The following ANKLE2 variants were observed in gnomAD, a reference collection of about 807,000 sequenced individuals.
The protein encoded by ANKLE2 is ankyrin repeat and LEM domain containing 2.
A neutral mutation model predicts 84.2 loss-of-function variants in ANKLE2; 55 were observed. The observed-to-expected ratio is 0.65, with a 90% CI of 0.53 to 0.82. The LOEUF (loss-of-function observed/expected upper bound fraction) is 0.82. Among genes scored for constraint, ANKLE2 ranks in the 40% least tolerant of loss-of-function variants. The pLI is 0.00. For synonymous variants in ANKLE2, 551 were observed against 486.1 expected, an observed-to-expected ratio of 1.13 and a Z score of -1.76; for missense variants, 1,238 against 1,201.9, an observed-to-expected ratio of 1.03 and a Z score of -0.44.
chr12:132,733,443 T>G (rs1441083541), intron 10 of ANKLE2, among the ~76,000 whole-genome samples: 1 of 145,630 alleles, frequency 6.9e-6, no homozygotes, highest in African/African-American at 2.6e-5. Flanking sequence ...TGAAGCTCTC[T>G]GCGTGCTGGT....
At chr12:132,747,081 C>T (rs1469798925) in intron 5 of ANKLE2, among the ~76,000 whole-genome samples, 1 of 152,246 alleles carries the variant, frequency 6.6e-6, no homozygotes, top group Non-Finnish European at 1.5e-5. Flanking sequence ...CGCCTGCTGG[C>T]TGCACTTCAG....
rs376900431 is a variant in ANKLE2 at position 132,729,665 on chromosome 12, C to A, written c.2483+14G>T. The stretch of plus-strand genomic sequence containing the variant: ...GGGGAAGGAAAGTGAGTGCAGAGGG[C>A]AACACACTCCTACCCAAAAAGGAAG... On this transcript the variant is annotated intron_variant, in intron 11 of 12. Transcript: ENST00000357997. 7.7e-6 allele frequency: 12 copies of A among 1,557,586 alleles called. No homozygotes were observed. Among genetic ancestry groups the A allele is most frequent in the African/African-American group, 1.5e-5 (1 of 67,482 alleles).
At chr12:132,730,553 A>C (rs2043820962) in intron 10 of ANKLE2, 6 of 411,198 alleles carry the variant, frequency 1.5e-5, no homozygotes, top group Admixed American at 7.7e-5. Flanking sequence ...CCAGGCACAG[A>C]AGCTCACGCC....
intron 2 of ANKLE2, among the ~76,000 whole-genome samples, chr12:132,753,763 CAAAAA>C (rs545094318): frequency 6.7e-6 from 1 of 149,832 alleles, no homozygotes; most frequent in African/African-American, 2.4e-5. Flanking sequence ...CAAAACAAAA[CAAAAA>C]AAAACCATAA....
Position 132,735,434 on chromosome 12 carries a change from G to T in ANKLE2, c.1672C>A (p.Pro558Thr). 1 of 1,614,080 alleles carries T rather than the reference G, an allele frequency of 6.2e-7. No homozygotes were observed. The highest frequency in any genetic ancestry group is 1.1e-5 in the South Asian group (1 of 91,074). Residue 558 changes from proline to threonine, a missense_variant, in exon 9 of 13, where the codon CCG becomes ACG. Physicochemically the swap from Pro to Thr is conservative, Grantham distance 38 (BLOSUM62 -1). Transcript: ENST00000357997. ...GFLHHVKKSD[P>T]ERGFERVGRE... ...CCCACTCTCTCAAAGCCTCTTTCCG[G>T]GTCCGACTTCTTGACGTGGTGAAGG... is the stretch of plus-strand genomic sequence containing the variant.
chr12:132,747,707 G>T (rs2044268227), intron 5 of ANKLE2, 125 bp downstream of exon 5: 1 of 1,222,168 alleles, frequency 8.2e-7, no homozygotes, highest in Admixed American at 3.1e-5. Flanking sequence ...TTGCAGGGGT[G>T]TAATTGATGT....
chr12:132,757,491 TGGG>T (rs1484074216), intron 1 of ANKLE2: 1 of 152,218 alleles, frequency 6.6e-6, no homozygotes, highest in African/African-American at 2.4e-5. Context: ...AAGACCAGCC[TGGG>T]TAACACAGCG....
chr12:132,755,251 CT>C (rs1208196829), intron 1 of ANKLE2, 118 bp from the exon 2 acceptor site: 3 of 1,066,412 alleles, frequency 2.8e-6, no homozygotes, highest in African/African-American at 3.2e-5. Flanking sequence ...TCATTAAAAA[CT>C]TTTTTTCTTG....
At chr12:132,750,518 A>G in intron 3 of ANKLE2, 125 bp downstream of exon 3, 3 of 974,062 alleles carry the variant, frequency 3.1e-6, no homozygotes, top group Non-Finnish European at 4.6e-6. Context: ...CTCCTGGTCC[A>G]CTGAGACCCC....
chr12:132,750,866 A>G lies in ANKLE2; in HGVS notation c.641-17T>C. Reference sequence around the variant, plus strand: ...AGATCCTTTCTGGGTAAGAAAAGTAACAAATGAAAATCAGAGAAGAGTGAC... The same window carrying G: ...AGATCCTTTCTGGGTAAGAAAAGTAGCAAATGAAAATCAGAGAAGAGTGAC... On this transcript the variant is annotated splice_polypyrimidine_tract_variant and intron_variant, in intron 2 of 12. Transcript: ENST00000357997. 6.2e-7 allele frequency: 1 copy of G among 1,610,382 alleles called. No homozygotes were observed. Among genetic ancestry groups the G allele is most frequent in the Non-Finnish European group, 8.5e-7 (1 of 1,177,634 alleles).
At chr12:132,736,608 C>T (rs192688247) in intron 8 of ANKLE2, among the ~76,000 whole-genome samples, 6 of 152,310 alleles carry the variant, frequency 3.9e-5, no homozygotes, top group Admixed American at 3.3e-4. Context: ...AAGAACAGGG[C>T]GACACGCGCA....
intron 1 of ANKLE2, 28 bp from the exon 2 acceptor site, chr12:132,755,161 G>A (rs765060309): frequency 1.8e-5 from 28 of 1,562,240 alleles, no homozygotes; most frequent in Non-Finnish European, 2.3e-5. Flanking sequence ...AAATCAAAGA[G>A]TCACAAAATA....
In ANKLE2 at chr12:132,729,771, C is replaced by T. The variant is rs1364128610; in HGVS notation, c.2391G>A (p.Arg797=). The T allele has an allele frequency of 1.2e-6, 2 of 1,612,312 alleles. No homozygotes were observed. Among genetic ancestry groups the T allele is most frequent in the Non-Finnish European group, 8.5e-7 (1 of 1,179,678 alleles). Residue 797 remains arginine, a synonymous_variant, in exon 11 of 13, where the codon AGG becomes AGA. Coordinates refer to ENST00000357997, the MANE Select transcript of ANKLE2 (RefSeq NM_015114.3). ...HRRTESEMSA[R]IAKMSLSPSS... ...TGGGACTCAAGGACATTTTAGCGAT[C>T]CTGGCTGACATTTCACTTTCTGTCC...
rs749924574 is a variant in ANKLE2, at chr12:132,750,764, G to A, written c.726C>T (p.Thr242=). 8 of 1,614,052 alleles carry A rather than the reference G, an allele frequency of 5.0e-6. No individual in the cohort carries two copies. In the African/African-American group the frequency reaches 1.1e-4, roughly 22 times the overall value. The change falls in exon 3 of 13, where the codon ACC becomes ACT. Residue 242 remains threonine, a synonymous_variant. Coordinates refer to ENST00000357997, the MANE Select transcript of ANKLE2 (RefSeq NM_015114.3). ...TAGCAAATTTCTCAGCGTCTTCTCT[G>A]GTAGAAAAAGCTTTAAATCGGGACC... The part of the protein sequence containing the change: ...IKGSRFKAFS[T]REDAEKFARG...
chr12:132,748,156 G>A lies in ANKLE2; in HGVS notation c.1023C>T (p.Asp341=), dbSNP rs546793839. ...GACCTACCTGCACGATAGTGGGGTT[G>A]TCTCCTGAGCCTATCAGATACCGGG... ...SNPRYLIGSG[D]NPTIVQEGCR... The change falls in exon 4 of 13, where the codon GAC becomes GAT. Residue 341 remains aspartate (D), a synonymous_variant. Coordinates refer to ENST00000357997, the MANE Select transcript of ANKLE2 (RefSeq NM_015114.3). 1.6e-5 allele frequency: 26 copies of A among 1,613,774 alleles called. No homozygotes were observed. The East Asian group carries it at 4.9e-4, about 30-fold the overall frequency.
intron 6 of ANKLE2, among the ~76,000 whole-genome samples, chr12:132,742,716 A>AT (rs1740686165): frequency 3.3e-3 from 2 of 604 alleles, no homozygotes; most frequent in Non-Finnish European, 6.8e-3. Flanking sequence ...CGTCACCATC[A>AT]TCACCACCAC....
At chr12:132,729,330 G>C (rs1479637243) in intron 11 of ANKLE2, among the ~76,000 whole-genome samples, 1 of 90,226 alleles carries the variant, frequency 1.1e-5, no homozygotes, top group African/African-American at 4.7e-5. Flanking sequence ...CAGCCTAGGC[G>C]ACAGAGCAAG....
Position 132,748,236 on chromosome 12 carries a change from T to C in ANKLE2, c.943A>G (p.Lys315Glu). 6.2e-7 allele frequency: 1 copy of C among 1,614,186 alleles called. No homozygotes were observed. ...TCCTCCTCTCCCTTCTCCACAGCTT[T>C]CCGAAGCTTGGCGGTGAGGTCCTGC... ...RTQDLTAKLR[K>E]AVEKGEEDTF... The change falls in exon 4 of 13, where the codon AAA becomes GAA. Residue 315 changes from lysine to glutamate, a missense_variant. Transcript: ENST00000357997.
intron 2 of ANKLE2, among the ~76,000 whole-genome samples, chr12:132,753,359 C>A (rs962687361): frequency 6.6e-6 from 1 of 151,812 alleles, no homozygotes; most frequent in Non-Finnish European, 1.5e-5. Context: ...ATTAGCTAGG[C>A]GTGCTGGTGT....
Sources: gnomAD v4.1 joint callset for allele counts (sites outside exome capture counted in the v4.1 genomes callset) on GRCh38, gnomAD v4.1.1 for gene constraint, MANE v1.5 for transcripts, NCBI Gene and HGNC (gene_info 2026-07-23, HGNC 2026-07-21) for gene names.